ARHGAP25: variants seen among roughly 807,000 people sequenced by gnomAD.
ARHGAP25 encodes the protein rho GTPase-activating protein 25.
A neutral mutation model predicts 71.0 loss-of-function variants in ARHGAP25; 34 were observed. That is an observed-to-expected ratio of 0.48 (90% CI 0.36 to 0.64). The LOEUF is 0.64. ARHGAP25 is among the 30% of genes least tolerant of loss of function. The pLI, the probability that ARHGAP25 is intolerant of heterozygous loss-of-function variation, is 0.00. For missense variants in ARHGAP25, 706 were observed against 805.1 expected (o/e 0.88, Z 1.49); for synonymous variants, 282 against 296.5 (o/e 0.95, Z 0.50).
chr2:68,726,154 G>C (rs1259137652), intron 2 of ARHGAP25, among the ~76,000 whole-genome samples: 1 of 152,078 alleles, frequency 6.6e-6, no homozygotes, highest in Non-Finnish European at 1.5e-5. Context: ...ACAAAAGCAG[G>C]CGTTTTCATC....
chr2:68,803,548 C>T (rs1284029088), intron 4 of ARHGAP25, among the ~76,000 whole-genome samples: 1 of 152,030 alleles, frequency 6.6e-6, no homozygotes, highest in Non-Finnish European at 1.5e-5. Context: ...TGCATGAGAA[C>T]TGAGGTGGGA....
Position 68,775,296 on chromosome 2 carries a change from G to A in ARHGAP25, c.137G>A (p.Arg46Lys), listed in dbSNP as rs1386782736. 1.2e-6 allele frequency: 2 copies of A among 1,614,248 alleles called. No homozygotes were observed. The highest frequency in any genetic ancestry group is 1.7e-6 in the Non-Finnish European group (2 of 1,180,048). Residue 46 changes from arginine (R) to lysine (K), a missense_variant, in exon 2 of 11, where the codon AGG becomes AAG. By Grantham distance (26) the Arg-to-Lys change is conservative. Transcript: ENST00000409202. ...TCGTCCACCCCCAACCCGCTGGAGA[G>A]GCCCATCAAGATGGGCTGGCTGAAG... is the stretch of plus-strand genomic sequence containing the variant. ...HPSSTPNPLERPIKMGWLKKQ... is the reference protein window; with the variant it reads ...HPSSTPNPLEKPIKMGWLKKQ...
In ARHGAP25 at chr2:68,734,881, G is replaced by A. The variant is rs139043472; in HGVS notation, c.-319G>A. 142 of 372,524 alleles carry A rather than the reference G, an allele frequency of 3.8e-4. No individual in the cohort carries two copies. The highest frequency in any genetic ancestry group is 2.2e-3 in the South Asian group (51 of 23,140). 23.1% of individuals were successfully genotyped at this position (372,524 alleles called of 1,614,324 possible). Reference sequence around the variant, plus strand: ...GAAAAGGAGCTTTGCTTCCCATGACGCAGAGGGAAGTGTCAACTGGGATAT... The same window carrying A: ...GAAAAGGAGCTTTGCTTCCCATGACACAGAGGGAAGTGTCAACTGGGATAT... On this transcript the variant is annotated 5_prime_UTR_variant, in exon 1 of 11. Transcript: ENST00000409202.
At chr2:68,752,165 T>C (rs1033819502) in intron 1 of ARHGAP25, among the ~76,000 whole-genome samples, 3 of 152,188 alleles carry the variant, frequency 2.0e-5, no homozygotes, top group Non-Finnish European at 2.9e-5. Flanking sequence ...AAAATTACCC[T>C]CCACGTCCTG....
rs182127372 is a variant in ARHGAP25, at chr2:68,813,476, C to A, written c.807+57C>A. The A allele has an allele frequency of 6.4e-5, 100 of 1,572,914 alleles. 1 individual carries two copies. In the African/African-American group the frequency reaches 1.2e-3, roughly 19 times the overall value. On this transcript the variant is annotated intron_variant, in intron 6 of 10. Coordinates refer to ENST00000409202, the MANE Select transcript of ARHGAP25 (RefSeq NM_001007231.3). Reference sequence around the variant, plus strand: ...AGAAGAAAGTGATTGGTTTTCTGGACACTAATCCAGTAGGCAACAGTGGGT... The same window carrying A: ...AGAAGAAAGTGATTGGTTTTCTGGAAACTAATCCAGTAGGCAACAGTGGGT...
At chr2:68,775,533 ATTGGAAAGGAAATTGCT>A in intron 2 of ARHGAP25, 113 bp downstream of exon 2, 1 of 1,508,706 alleles carries the variant, frequency 6.6e-7, no homozygotes, top group Non-Finnish European at 9.1e-7. Context: ...AGACACACCC[ATTGGAAAGGAAATTGCT>A]TTTCCCTTTA....
intron 2 of ARHGAP25, among the ~76,000 whole-genome samples, chr2:68,713,548 T>A (rs1443429577): frequency 6.6e-6 from 1 of 152,224 alleles, no homozygotes; most frequent in Non-Finnish European, 1.5e-5. Flanking sequence ...ATCGGAGTGG[T>A]GAGAGAGGAC....
At chr2:68,797,479 G>T (rs1679641970) in intron 4 of ARHGAP25, among the ~76,000 whole-genome samples, 1 of 152,186 alleles carries the variant, frequency 6.6e-6, no homozygotes, top group Admixed American at 6.5e-5. Context: ...CATAGGAGAT[G>T]CCATTCAGCT....
At chr2:68,807,505 C>T in intron 5 of ARHGAP25, 25 bp downstream of exon 5, 1 of 1,605,710 alleles carries the variant, frequency 6.2e-7, no homozygotes, top group Non-Finnish European at 8.5e-7. Flanking sequence ...TGCAGTGTCC[C>T]ACCTCTGCCC....
intron 1 of ARHGAP25, among the ~76,000 whole-genome samples, chr2:68,751,386 G>C (rs1676164800): frequency 6.6e-6 from 1 of 152,234 alleles, no homozygotes; most frequent in African/African-American, 2.4e-5. Context: ...GGAAAGCTAA[G>C]GTGGAGATAC....
chr2:68,802,467 G>A (rs1172286341), intron 4 of ARHGAP25, among the ~76,000 whole-genome samples: 3 of 150,484 alleles, frequency 2.0e-5, no homozygotes, highest in Non-Finnish European at 3.0e-5. Flanking sequence ...GAAGAGTGTT[G>A]CGGATAATTC....
chr2:68,784,553 T>G (rs1229018958), intron 3 of ARHGAP25, among the ~76,000 whole-genome samples: 6 of 152,190 alleles, frequency 3.9e-5, no homozygotes, highest in Non-Finnish European at 7.3e-5. Context: ...CTCTCCCTAC[T>G]GATCTCTCAT....
Position 68,769,282 on chromosome 2 carries a change from G to A in ARHGAP25, c.62-5939G>A, listed in dbSNP as rs182531368. ...ATTGAGTCCATACTATAATAATAAT[G>A]TTAATAATAATAGCTTTCATTTAAT... is the stretch of plus-strand genomic sequence containing the variant. On this transcript the variant is annotated intron_variant, in intron 1 of 10. Coordinates refer to ENST00000409202, the MANE Select transcript of ARHGAP25 (RefSeq NM_001007231.3). Among the ~76,000 whole-genome samples the A allele has an allele frequency of 2.4e-4, 37 of 152,076 alleles. 1 individual carries two copies. Among genetic ancestry groups the A allele is most frequent in the Admixed American group, 2.2e-3 (33 of 15,280 alleles).
chr2:68,788,893 A>G (rs1323986835), intron 4 of ARHGAP25, among the ~76,000 whole-genome samples: 2 of 152,230 alleles, frequency 1.3e-5, no homozygotes, highest in Non-Finnish European at 2.9e-5. Flanking sequence ...AAATTTCAAG[A>G]ATATCACAAT....
Position 68,826,479 on chromosome 2 carries a change from C to T in ARHGAP25, c.*285C>T, listed in dbSNP as rs72903642. 3.9e-3 allele frequency: 1,957 copies of T among 506,614 alleles called. 33 individuals carry two copies. The highest frequency in any genetic ancestry group is 0.035 in the African/African-American group (1,811 of 52,192). 31.4% of individuals were successfully genotyped at this position (506,614 alleles called of 1,614,324 possible). A position where few individuals can be genotyped will look rare whatever the true frequency, so the allele number is the denominator to read the frequency against. On this transcript the variant is annotated 3_prime_UTR_variant, in exon 11 of 11. Transcript: ENST00000409202. ...CGTCCAGTGAAGACATTTGAGGCAG[C>T]ACATCTCAGGACCCAGGCAATAGAC...
intron 1 of ARHGAP25, among the ~76,000 whole-genome samples, chr2:68,744,171 T>C (rs1343184079): frequency 6.6e-6 from 1 of 152,182 alleles, no homozygotes; most frequent in Non-Finnish European, 1.5e-5. Context: ...TGCAAGGTAC[T>C]TCTTTCTAAA....
At chr2:68,731,481 T>C (rs775667704), upstream of ARHGAP25, among the ~76,000 whole-genome samples, 2 of 151,952 alleles carry the variant, frequency 1.3e-5, no homozygotes, top group Non-Finnish European at 2.9e-5. Context: ...CTCACCCCTA[T>C]CCTGTTGAAA....
At chr2:68,717,263 A>C (rs1674635187) in intron 2 of ARHGAP25, among the ~76,000 whole-genome samples, 1 of 152,226 alleles carries the variant, frequency 6.6e-6, no homozygotes, top group South Asian at 2.1e-4. Context: ...CCACTACTGT[A>C]TATGGGATCT....
chr2:68,750,223 C>A (rs1487017730), intron 1 of ARHGAP25, among the ~76,000 whole-genome samples: 1 of 150,104 alleles, frequency 6.7e-6, no homozygotes, highest in East Asian at 2.0e-4. Context: ...TATTGCCCAG[C>A]TGGTCTTGGA....
Sources: allele counts gnomAD v4.1 joint callset (sites outside exome capture counted in the v4.1 genomes callset), GRCh38; gene constraint gnomAD v4.1.1; transcripts MANE v1.5; gene names NCBI Gene and HGNC (gene_info 2026-07-23, HGNC 2026-07-21).